The following DISC1 variants were observed in gnomAD, a reference collection of about 807,000 sequenced individuals.
DISC1 encodes disrupted in schizophrenia 1 protein.
A neutral mutation model predicts 84.5 loss-of-function variants in DISC1; 57 were observed. That is an observed-to-expected ratio of 0.67 (90% CI 0.55 to 0.84). The LOEUF is 0.84. Ranked by LOEUF, DISC1 falls within the 40% of genes least tolerant of loss-of-function variation. The pLI, the probability that DISC1 is intolerant of heterozygous loss-of-function variation, is 0.00. For synonymous variants in DISC1, 411 were observed against 415.2 expected (o/e 0.99, Z 0.12); for missense variants, 1,000 against 1,057.8 (o/e 0.95, Z 0.76).
rs183995597 is a variant in DISC1 at position 231,746,930 on chromosome 1, A to C, written c.1118-2996A>C. ...TGTCTTTTCACTCTGTTGATTGTTT[A>C]TATCTTTTATTTTTTTGAGAAAGGG... On this transcript the variant is annotated intron_variant, in intron 3 of 12. Transcript: ENST00000439617. Among the ~76,000 whole-genome samples the C allele has an allele frequency of 4.6e-5, 7 of 151,930 alleles. No homozygotes were observed. In the East Asian group the frequency reaches 1.2e-3, roughly 25 times the overall value.
At chr1:232,019,816 T>TGAGAGGTC (rs1668791858) in intron 11 of DISC1, among the ~76,000 whole-genome samples, 1 of 152,146 alleles carries the variant, frequency 6.6e-6, no homozygotes, top group African/African-American at 2.4e-5. Context: ...GACTTGTGGA[T>TGAGAGGTC]GAGAGGTCCT....
chr1:231,764,776 T>G (rs1438595359), intron 4 of DISC1, among the ~76,000 whole-genome samples: 1 of 152,226 alleles, frequency 6.6e-6, no homozygotes, highest in African/African-American at 2.4e-5. Flanking sequence ...AAGTTATATT[T>G]AATTTTAAGT....
At chr1:231,673,117 G>C (rs1034703232) in intron 1 of DISC1, among the ~76,000 whole-genome samples, 11 of 152,170 alleles carry the variant, frequency 7.2e-5, no homozygotes, top group African/African-American at 2.7e-4. Context: ...CTCTAATTCT[G>C]TGCCTTCCTT....
chr1:231,687,793 G>T (rs935874906), intron 1 of DISC1, among the ~76,000 whole-genome samples: 6 of 152,184 alleles, frequency 3.9e-5, no homozygotes, highest in Admixed American at 2.0e-4. Context: ...GAAATGGGGA[G>T]TTAATATTCA....
chr1:231,720,844 A>G (rs1419898824), intron 3 of DISC1: 6 of 1,290,920 alleles, frequency 4.6e-6, no homozygotes, highest in Admixed American at 4.6e-5. Context: ...CGTTTCGTTT[A>G]CAGGTTTGTT....
In DISC1 at chr1:232,039,593, T is replaced by C. The variant is rs576374582; in HGVS notation, c.*2762T>C. The C allele has an allele frequency of 6.6e-6, 1 of 152,272 alleles. No individual in the cohort carries two copies. Among genetic ancestry groups the C allele is most frequent in the South Asian group, 2.1e-4 (1 of 4,826 alleles). The allele number at this position is 152,272 out of a possible 1,614,324, so 9.4% of individuals were successfully genotyped here. ...AGTCCGCTAAGGGCCAGCGTGCTTC[T>C]TCTGGCTACACAACCTTCTCAGGAC... On this transcript the variant is annotated 3_prime_UTR_variant, in exon 13 of 13. Transcript: ENST00000439617.
chr1:231,895,947 G>C (rs550574869), intron 9 of DISC1, among the ~76,000 whole-genome samples: 1 of 152,108 alleles, frequency 6.6e-6, no homozygotes, highest in Admixed American at 6.6e-5. Flanking sequence ...TCTAGAACAC[G>C]TCACAGTTCA....
rs74963333 is a variant in DISC1, at chr1:231,674,460, T to C, written c.68-19366T>C. 1.6e-4 allele frequency among the ~76,000 whole-genome samples: 24 copies of C among 152,346 alleles called. No individual in the cohort carries two copies. In the East Asian group the frequency reaches 3.1e-3, roughly 20 times the overall value. On this transcript the variant is annotated intron_variant, in intron 1 of 12. Transcript: ENST00000439617. ...AAAGTAGCATTAGTAAAACATTTCA[T>C]TTCTATGGCACTTTGGAGTTTACAA...
In DISC1 at chr1:231,954,495, C is replaced by T. The variant is rs1472254809; in HGVS notation, c.1982-4333C>T. ...CTGAATATCAGATTCCCTTAATAAA[C>T]AGAAACAGTGAATGTGTTCCTGCTT... On this transcript the variant is annotated intron_variant, in intron 9 of 12. Coordinates refer to ENST00000439617, the MANE Select transcript of DISC1 (RefSeq NM_018662.3). The surrounding 1 kb of genome is among the most constrained non-coding windows in gnomAD (Gnocchi z 4.8). Among the ~76,000 whole-genome samples, 1 of 152,122 alleles carries T rather than the reference C, an allele frequency of 6.6e-6. No homozygotes were observed. The highest frequency in any genetic ancestry group is 1.9e-4 in the East Asian group (1 of 5,194).
chr1:231,901,103 A>G (rs1166011417), intron 9 of DISC1, among the ~76,000 whole-genome samples: 1 of 152,180 alleles, frequency 6.6e-6, no homozygotes. Flanking sequence ...TGAATAAACC[A>G]ATTGGCAGTA....
intron 9 of DISC1, among the ~76,000 whole-genome samples, chr1:231,850,294 G>A (rs990459233): frequency 3.9e-5 from 6 of 152,242 alleles, no homozygotes; most frequent in Non-Finnish European, 7.3e-5. Context: ...AACAGACGGA[G>A]GCGTGAGGTA....
chr1:231,908,028 C>CTT lies in DISC1; in HGVS notation c.1982-50796_1982-50795dup, dbSNP rs569394753. Among the ~76,000 whole-genome samples, 1,019 of 151,946 alleles carry CTT rather than the reference C, an allele frequency of 6.7e-3. 6 individuals are homozygous for CTT. Among genetic ancestry groups the CTT allele is most frequent in the Middle Eastern group, 0.045 (13 of 292 alleles). ...CTCACTTTTTGATGGGGTTGTTTGA[C>CTT]TTTTTCTTGTAAATTTGTTTAAGTT... On this transcript the variant is annotated intron_variant, in intron 9 of 12. Transcript: ENST00000439617.
intron 1 of DISC1, among the ~76,000 whole-genome samples, chr1:231,640,211 T>G (rs2059519884): frequency 6.6e-6 from 1 of 152,094 alleles, no homozygotes; most frequent in African/African-American, 2.4e-5. Context: ...CTCTCCCTCC[T>G]CCTCCACTTC....
intron 9 of DISC1, among the ~76,000 whole-genome samples, chr1:231,913,525 A>G (rs1397071004): frequency 9.9e-5 from 15 of 152,192 alleles, no homozygotes; most frequent in Admixed American, 9.2e-4. Context: ...CCTGGGCTGC[A>G]CCATTTAAGC....
intron 10 of DISC1, among the ~76,000 whole-genome samples, chr1:231,965,540 C>T (rs904598524): frequency 6.6e-6 from 1 of 152,236 alleles, no homozygotes; most frequent in African/African-American, 2.4e-5. Flanking sequence ...TCTTCTCCCA[C>T]AGCCAGAATG....
intron 1 of DISC1, among the ~76,000 whole-genome samples, chr1:231,644,044 A>C (rs908217021): frequency 6.6e-5 from 10 of 152,332 alleles, no homozygotes; most frequent in African/African-American, 2.4e-4. Flanking sequence ...CAACAAGAGA[A>C]AGATGTTATT....
At chr1:232,022,060 G>T (rs1669010973) in intron 11 of DISC1, among the ~76,000 whole-genome samples, 3 of 152,296 alleles carry the variant, frequency 2.0e-5, no homozygotes, top group Admixed American at 1.3e-4. Flanking sequence ...AAGTCAGGCA[G>T]TGTCACCTTC....
chr1:231,865,955 G>C (rs761634830), intron 9 of DISC1, among the ~76,000 whole-genome samples: 5 of 152,188 alleles, frequency 3.3e-5, no homozygotes, highest in African/African-American at 4.8e-5. Context: ...CCTGAAAGTG[G>C]TTAAGACCAA....
chr1:231,964,289 T>C (rs1660791826), intron 10 of DISC1, among the ~76,000 whole-genome samples: 1 of 152,214 alleles, frequency 6.6e-6, no homozygotes, highest in Non-Finnish European at 1.5e-5. Context: ...GGCTCATCTT[T>C]TGTCATCTCC....
Sources: allele counts gnomAD v4.1 joint callset (sites outside exome capture counted in the v4.1 genomes callset), GRCh38; gene constraint gnomAD v4.1.1; non-coding constraint Gnocchi (gnomAD v3.1); transcripts MANE v1.5; gene names NCBI Gene and HGNC (gene_info 2026-07-23, HGNC 2026-07-21).